Variants in GNE observed in about 807,000 individuals in gnomAD.
The protein encoded by GNE is bifunctional UDP-N-acetylglucosamine 2-epimerase/N-acetylmannosamine kinase.
A neutral mutation model predicts 61.8 loss-of-function variants in GNE; 41 were observed. The observed-to-expected ratio is 0.66, with a 90% CI of 0.52 to 0.86. GNE has a LOEUF of 0.86. Among genes scored for constraint, GNE ranks in the 40% least tolerant of loss-of-function variants. GNE has a pLI of 0.00. For missense variants in GNE, 608 were observed against 909.1 expected, an observed-to-expected ratio of 0.67 and a Z score of 4.26; for synonymous variants, 264 against 326.4, an observed-to-expected ratio of 0.81 and a Z score of 2.06.
At chr9:36,261,296 C>T (rs868115156), upstream of GNE, among the ~76,000 whole-genome samples, 29 of 152,158 alleles carry the variant, frequency 1.9e-4, no homozygotes, top group African/African-American at 5.5e-4. Flanking sequence ...CGGTGGCTCA[C>T]TCCTGTAATC....
chr9:36,248,985 C>G (rs1830009724), intron 2 of GNE, among the ~76,000 whole-genome samples: 1 of 152,176 alleles, frequency 6.6e-6, no homozygotes, highest in African/African-American at 2.4e-5. Context: ...TCATGATCTC[C>G]ATTCCTCACA....
chr9:36,275,668 CA>C (rs1244547412), intron 1 of GNE, among the ~76,000 whole-genome samples: 1 of 152,094 alleles, frequency 6.6e-6, no homozygotes, highest in African/African-American at 2.4e-5. Flanking sequence ...CATTTCTAAG[CA>C]GATTTTATTG....
chr9:36,244,955 A>G (rs1046676357), intron 3 of GNE, among the ~76,000 whole-genome samples: 1 of 148,054 alleles, frequency 6.8e-6, no homozygotes. Context: ...AAAAAAAAAA[A>G]TGACCATTTT....
At chr9:36,252,969 G>GC (rs1235840016) in intron 1 of GNE, among the ~76,000 whole-genome samples, 1 of 152,062 alleles carries the variant, frequency 6.6e-6, no homozygotes, top group Non-Finnish European at 1.5e-5. Context: ...GAACAGCCTG[G>GC]CCAACATGGT....
At chr9:36,271,976 C>T (rs1413619646) in intron 1 of GNE, among the ~76,000 whole-genome samples, 1 of 152,146 alleles carries the variant, frequency 6.6e-6, no homozygotes, top group Non-Finnish European at 1.5e-5. Context: ...CCTAGCCATC[C>T]TTGTTCTTTT....
At chr9:36,229,239 G>T in intron 5 of GNE, 131 bp from the exon 6 acceptor site, 5 of 716,846 alleles carry the variant, frequency 7.0e-6, no homozygotes. Flanking sequence ...CTTTTGTTAG[G>T]GAAAATTCAA....
upstream of GNE, among the ~76,000 whole-genome samples, chr9:36,261,684 G>A (rs2133176571): frequency 6.6e-6 from 1 of 152,158 alleles, no homozygotes; most frequent in Admixed American, 6.5e-5. Flanking sequence ...ACTTTGGGAG[G>A]CCGAGGCGGG....
Position 36,220,027 on chromosome 9 carries a change from C to T in GNE, c.1634-7G>A, listed in dbSNP as rs139442869. On this transcript the variant is annotated splice_polypyrimidine_tract_variant and splice_region_variant and intron_variant, in intron 9 of 11. Transcript: ENST00000642385. ...ATAATTCCACCACCGATTCCTACAG[C>T]GAGGGATAGAAATCACTGAGGGTGC... is the stretch of plus-strand genomic sequence containing the variant. The T allele has an allele frequency of 8.4e-5, 135 of 1,612,494 alleles. No individual in the cohort carries two copies. The highest frequency in any genetic ancestry group is 1.1e-4 in the East Asian group (5 of 44,870).
At chr9:36,254,094 G>T (rs1486531556) in intron 1 of GNE, among the ~76,000 whole-genome samples, 1 of 151,782 alleles carries the variant, frequency 6.6e-6, no homozygotes, top group Admixed American at 6.6e-5. Context: ...AATCCCAGCT[G>T]CTTGGGAGGC....
chr9:36,217,567 A>T lies in GNE; in HGVS notation c.1967T>A (p.Ile656Asn). ...AAGGGAGGGATTCATGGTATGGAGG[A>T]TGTTCACAACCCCAAGACCCAAAGC... ...GTALGLGVVNILHTMNPSLVI... is the reference protein window; with the variant it reads ...GTALGLGVVNNLHTMNPSLVI... The change falls in exon 12 of 12, where the codon ATC becomes AAC. Residue 656 changes from isoleucine (I) to asparagine (N), a missense_variant. Physicochemically the swap from Ile to Asn is moderately radical, Grantham distance 149 (BLOSUM62 -3). Transcript: ENST00000642385. The T allele has an allele frequency of 6.2e-7, 1 of 1,614,028 alleles. No homozygotes were observed. The highest frequency in any genetic ancestry group is 8.5e-7 in the Non-Finnish European group (1 of 1,179,832).
chr9:36,250,562 A>G (rs1830073416), intron 1 of GNE, among the ~76,000 whole-genome samples: 1 of 152,082 alleles, frequency 6.6e-6, no homozygotes, highest in African/African-American at 2.4e-5. Flanking sequence ...CCCCCTAAAT[A>G]TCTTTCAAAT....
chr9:36,237,822 TCCC>T (rs895240466), intron 3 of GNE, among the ~76,000 whole-genome samples: 20 of 150,372 alleles, frequency 1.3e-4, no homozygotes, highest in Non-Finnish European at 2.1e-4. Context: ...CTCCTACTCT[TCCC>T]CCCAAGTCCC....
chr9:36,271,397 C>T (rs188756994), intron 1 of GNE, among the ~76,000 whole-genome samples: 56 of 152,156 alleles, frequency 3.7e-4, no homozygotes, highest in African/African-American at 1.1e-3. Context: ...GTTTTGAGAC[C>T]GAGTCTCGCT....
Position 36,220,020 on chromosome 9 carries a change from C to T in GNE, c.1634G>A (p.Gly545Glu). The T allele has an allele frequency of 2.5e-6, 4 of 1,613,302 alleles. No individual in the cohort carries two copies. Among genetic ancestry groups the T allele is most frequent in the East Asian group, 4.5e-5 (2 of 44,880 alleles). Residue 545 changes from glycine to glutamate, a missense_variant and splice_region_variant, in exon 10 of 12, where the codon GGA becomes GAA. Transcript: ENST00000642385. ...CTGATGGATAATTCCACCACCGATTCCTACAGCGAGGGATAGAAATCACTG... is the reference window on the plus strand; with the variant it reads ...CTGATGGATAATTCCACCACCGATTTCTACAGCGAGGGATAGAAATCACTG... ...ENFVTLITGT[G>E]IGGGIIHQHE...
intron 1 of GNE, among the ~76,000 whole-genome samples, chr9:36,268,839 T>C (rs561665757): frequency 5.3e-5 from 8 of 152,102 alleles, no homozygotes; most frequent in African/African-American, 1.9e-4. Flanking sequence ...AACTGAAGAA[T>C]AGCCCACAGG....
intron 1 of GNE, among the ~76,000 whole-genome samples, chr9:36,257,098 G>A (rs1013227127): frequency 1.3e-5 from 2 of 152,068 alleles, no homozygotes; most frequent in African/African-American, 4.8e-5. Flanking sequence ...CAGCTACTTG[G>A]GAGGCTGAGG....
At chr9:36,217,648 C>T in intron 11 of GNE, 48 bp from the exon 12 acceptor site, 1 of 1,193,548 alleles carries the variant, frequency 8.4e-7, no homozygotes, top group Non-Finnish European at 1.2e-6. Context: ...AAGCCAAAAT[C>T]AAAATACCAA....
At chr9:36,260,348 G>A (rs1246338265), upstream of GNE, among the ~76,000 whole-genome samples, 1 of 151,860 alleles carries the variant, frequency 6.6e-6, no homozygotes, top group Non-Finnish European at 1.5e-5. Flanking sequence ...GGAATTGGGT[G>A]GTTGGTTGTG....
rs1828237308 is a variant in GNE, at chr9:36,215,610, A to G, written c.*1755T>C. ...AGTCAAACACACCAAGTTCTATAAA[A>G]TAAAAATTAAAACACCTACCTCATA... On this transcript the variant is annotated 3_prime_UTR_variant, in exon 12 of 12. Coordinates refer to ENST00000642385, the MANE Select transcript of GNE (RefSeq NM_005476.7). The G allele has an allele frequency of 1.3e-5, 2 of 152,220 alleles. No homozygotes were observed. Among genetic ancestry groups the G allele is most frequent in the African/African-American group, 4.8e-5 (2 of 41,448 alleles). The allele number at this position is 152,220 out of a possible 1,614,324, so 9.4% of individuals were successfully genotyped here.
Sources: allele counts gnomAD v4.1 joint callset (sites outside exome capture counted in the v4.1 genomes callset), GRCh38; gene constraint gnomAD v4.1.1; transcripts MANE v1.5; gene names NCBI Gene and HGNC (gene_info 2026-07-23, HGNC 2026-07-21).